DPP7: variants seen among roughly 807,000 people sequenced by gnomAD.
DPP7 encodes dipeptidyl peptidase 2.
Under a neutral mutation model 58.8 loss-of-function variants are expected in DPP7, and 74 were observed. The observed-to-expected ratio is 1.26, with a 90% CI of 1.04 to 1.53. The LOEUF (loss-of-function observed/expected upper bound fraction) is 1.53. Ranked by LOEUF, DPP7 falls within the 40% of genes most tolerant of loss-of-function variation. DPP7 has a pLI of 0.00. For missense variants in DPP7, 807 were observed against 692.3 expected, an observed-to-expected ratio of 1.17 and a Z score of -1.86; for synonymous variants, 350 against 303.6, an observed-to-expected ratio of 1.15 and a Z score of -1.59.
At chr9:137,112,695 C>T (rs200976004) in intron 8 of DPP7, 50 bp downstream of exon 8, 1 of 1,561,774 alleles carries the variant, frequency 6.4e-7, no homozygotes, top group East Asian at 2.4e-5. Flanking sequence ...AGGACCCAAG[C>T]CAAGCCTGGG....
Position 137,112,725 on chromosome 9 carries a change from TGGGGCCG to T in DPP7, c.931+13_931+19del, listed in dbSNP as rs747158449. ...CCTGGGGTCTCCACACTTGCCCATCTGGGGCCGGGGGAAGGGCACCTGCCAGTGCTCG... is the reference window on the plus strand; with the variant it reads ...CCTGGGGTCTCCACACTTGCCCATCTGGGGAAGGGCACCTGCCAGTGCTCG... On this transcript the variant is annotated intron_variant, in intron 8 of 12. Transcript: ENST00000371579. 1.7e-5 allele frequency: 27 copies of T among 1,587,998 alleles called. No individual in the cohort carries two copies. The highest frequency in any genetic ancestry group is 2.2e-5 in the Non-Finnish European group (26 of 1,171,506).
chr9:137,116,142 G>A, upstream of DPP7, among the ~76,000 whole-genome samples: 1 of 152,186 alleles, frequency 6.6e-6, no homozygotes, highest in East Asian at 1.9e-4. Context: ...GGCTCCAGGA[G>A]CAGGGTTTCC....
chr9:137,113,937 A>G lies in DPP7; in HGVS notation c.413T>C (p.Phe138Ser). 1 of 1,586,416 alleles carries G rather than the reference A, an allele frequency of 6.3e-7. No homozygotes were observed. Among genetic ancestry groups the G allele is most frequent in the Non-Finnish European group, 8.5e-7 (1 of 1,172,750 alleles). Residue 138 changes from phenylalanine (F) to serine (S), a missense_variant, in exon 4 of 13, where the codon TTC (phenylalanine) becomes TCC (serine). Around this residue, in one of 3 missense-constraint regions of DPP7, gnomAD observed 624 missense variants for 531.2 expected, o/e 1.17. Transcript: ENST00000371579. ...TCGTAGCGCGCGGAGCAGCTCTGCG[A>G]AGTCGGCCAGGGCCTGCTCCACCGT... is the stretch of plus-strand genomic sequence containing the variant. ...LLTVEQALAD[F>S]AELLRALRRD...
In DPP7 at chr9:137,113,944, C is replaced by T. The variant is rs1232128551; in HGVS notation, c.406G>A (p.Ala136Thr). Residue 136 changes from alanine (A) to threonine (T), a missense_variant, in exon 4 of 13, where the codon GCC (alanine) becomes ACC (threonine). Physicochemically the swap from Ala to Thr is moderately conservative, Grantham distance 58. Around this residue, in one of 3 missense-constraint regions of DPP7, gnomAD observed 624 missense variants for 531.2 expected, o/e 1.17. Coordinates refer to ENST00000371579, the MANE Select transcript of DPP7 (RefSeq NM_013379.3). ...GCGCGGAGCAGCTCTGCGAAGTCGG[C>T]CAGGGCCTGCTCCACCGTCAGCAGC... ...TELLTVEQALADFAELLRALR... is the reference protein window; with the variant it reads ...TELLTVEQALTDFAELLRALR... 2.5e-6 allele frequency: 4 copies of T among 1,585,960 alleles called. No homozygotes were observed. Among genetic ancestry groups the T allele is most frequent in the Non-Finnish European group, 3.4e-6 (4 of 1,172,230 alleles).
At chr9:137,113,791 GTGGGGAGAAGGGCT>G in intron 4 of DPP7, 60 bp downstream of exon 4, 1 of 1,384,190 alleles carries the variant, frequency 7.2e-7, no homozygotes, top group South Asian at 1.5e-5. Context: ...TCAGAGGGGA[GTGGGGAGAAGGGCT>G]GGGGGCGCTG....
chr9:137,111,384 G>A (rs537111741), intron 11 of DPP7, among the ~76,000 whole-genome samples: 99 of 152,190 alleles, frequency 6.5e-4, no homozygotes, highest in African/African-American at 2.3e-3. Context: ...AGGGGCAGGC[G>A]AGGGGCCTGT....
At chr9:137,117,236 C>T (rs1294019195), upstream of DPP7, among the ~76,000 whole-genome samples, 1 of 152,234 alleles carries the variant, frequency 6.6e-6, no homozygotes, top group African/African-American at 2.4e-5. Context: ...TTCACTGGCA[C>T]AGCAACCTGA....
chr9:137,112,717 T>G, intron 8 of DPP7, 28 bp downstream of exon 8: 1 of 1,584,564 alleles, frequency 6.3e-7, no homozygotes, highest in East Asian at 2.3e-5. Flanking sequence ...TCTCCACACT[T>G]GCCCATCTGG....
rs1831508927 is a variant in DPP7, at chr9:137,113,977, G to A, written c.373C>T (p.His125Tyr). 6.3e-7 allele frequency: 1 copy of A among 1,580,752 alleles called. No individual in the cohort carries two copies. The highest frequency in any genetic ancestry group is 8.6e-7 in the Non-Finnish European group (1 of 1,168,050). ...PFGAQSTQRG[H>Y]TELLTVEQAL... ...TGCTCCACCGTCAGCAGCTCCGTGT[G>A]CCCGCGCTGCGTGGACTGCGCACCG... The change falls in exon 4 of 13, where the codon CAC (histidine) becomes TAC (tyrosine). Residue 125 changes from histidine to tyrosine, a missense_variant. By Grantham distance (83) the His-to-Tyr change is moderately conservative (BLOSUM62 2). Transcript: ENST00000371579.
chr9:137,114,954 C>T, upstream of DPP7: 1 of 326,718 alleles, frequency 3.1e-6, no homozygotes, highest in East Asian at 4.7e-5. Flanking sequence ...GGCCTCCCGC[C>T]CCACTGGCTC....
At position 137,110,897 on chromosome 9, in the gene DPP7, C is replaced by T. The variant is rs1462628545; in HGVS notation, c.1326G>A (p.Ala442=). The change falls in exon 12 of 13, where the codon GCG becomes GCA. Residue 442 remains alanine (A), a synonymous_variant. Coordinates refer to ENST00000371579, the MANE Select transcript of DPP7 (RefSeq NM_013379.3). The part of the protein sequence containing the change: ...SVIAVTIQGG[A]HHLDLRASHP... The stretch of plus-strand genomic sequence containing the variant: ...CTCCGCACCTGAGGTCGAGGTGGTG[C>T]GCTCCCCCCTGGATGGTGACGGCGA... The T allele has an allele frequency of 3.7e-6, 6 of 1,612,600 alleles. No individual in the cohort carries two copies. Among genetic ancestry groups the T allele is most frequent in the Middle Eastern group, 1.7e-4 (1 of 6,060 alleles).
At chr9:137,116,656 C>T (rs985163879), upstream of DPP7, among the ~76,000 whole-genome samples, 2 of 152,220 alleles carry the variant, frequency 1.3e-5, no homozygotes, top group Non-Finnish European at 2.9e-5. Context: ...TGATCGTCCC[C>T]CAGCCCGACA....
chr9:137,114,615 CG>C, intron 1 of DPP7, 31 bp downstream of exon 1: 2 of 1,421,898 alleles, frequency 1.4e-6, no homozygotes, highest in Non-Finnish European at 1.8e-6. Context: ...GGGCCGGGAC[CG>C]GGGAATGGGC....
upstream of DPP7, among the ~76,000 whole-genome samples, chr9:137,116,801 G>C (rs1831652127): frequency 6.6e-6 from 1 of 152,228 alleles, no homozygotes; most frequent in African/African-American, 2.4e-5. Flanking sequence ...TCGTACATTA[G>C]TTCTATTCTG....
chr9:137,113,745 A>C (rs1330666317), intron 4 of DPP7, 120 bp downstream of exon 4: 51 of 1,408,264 alleles, frequency 3.6e-5, no homozygotes, highest in Non-Finnish European at 4.5e-5. Context: ...GCCTGGAACC[A>C]CTGCCTGAGG....
chr9:137,110,604 G>A lies in DPP7; in HGVS notation c.*44C>T, dbSNP rs1831306427. The A allele has an allele frequency of 2.5e-6, 4 of 1,585,306 alleles. No homozygotes were observed. ...CTCTGCCGCCAGCTGCTTGAGTGAA[G>A]CCCCCACTCCATGAGGAGCCTTGAG... On this transcript the variant is annotated 3_prime_UTR_variant, in exon 13 of 13. Coordinates refer to ENST00000371579, the MANE Select transcript of DPP7 (RefSeq NM_013379.3).
At chr9:137,111,002 G>T (rs772910233) in intron 11 of DPP7, 52 bp from the exon 12 acceptor site, 1 of 1,549,506 alleles carries the variant, frequency 6.5e-7, no homozygotes, top group Non-Finnish European at 8.8e-7. Flanking sequence ...CAACTGCCCA[G>T]CCTCCGTGGG....
upstream of DPP7, among the ~76,000 whole-genome samples, chr9:137,116,103 GC>G (rs1242755692): frequency 6.6e-6 from 1 of 152,176 alleles, no homozygotes; most frequent in African/African-American, 2.4e-5. Context: ...GCTTGGCTGG[GC>G]CCACAGAGGG....
chr9:137,111,034 G>A (rs1831338015), intron 11 of DPP7, 84 bp from the exon 12 acceptor site: 3 of 1,372,114 alleles, frequency 2.2e-6, no homozygotes, highest in Non-Finnish European at 3.0e-6. Context: ...GGAGACGTGA[G>A]AGGGCGAGCC....
Sources: allele counts gnomAD v4.1 joint callset (sites outside exome capture counted in the v4.1 genomes callset), GRCh38; gene constraint gnomAD v4.1.1; regional missense constraint gnomAD v4.1.1; transcripts MANE v1.5; gene names NCBI Gene and HGNC (gene_info 2026-07-23, HGNC 2026-07-21).